Variants in DGKB observed in about 807,000 individuals in gnomAD.
The protein encoded by DGKB is 90 kDa diacylglycerol kinase.
Under a neutral mutation model 114.3 loss-of-function variants are expected in DGKB, and 67 were observed. That is an observed-to-expected ratio of 0.59 (90% confidence interval 0.48 to 0.72). DGKB has a LOEUF of 0.72. DGKB is among the 30% of genes least tolerant of loss of function. The pLI, the probability that DGKB is intolerant of heterozygous loss-of-function variation, is 0.00. For synonymous variants in DGKB, 398 were observed against 323.1 expected (o/e 1.23, Z -2.49); for missense variants, 907 against 975.2 (o/e 0.93, Z 0.93).
chr7:14,582,563 A>G (rs62443555), intron 18 of DGKB, among the ~76,000 whole-genome samples: 57,409 of 152,008 alleles, frequency 0.38, 11,500 homozygotes, highest in East Asian at 0.68. Context: ...TACTATCTGT[A>G]TCATAGAGTT....
intron 13 of DGKB, among the ~76,000 whole-genome samples, chr7:14,671,532 G>A (rs529653222): frequency 2.0e-5 from 3 of 152,050 alleles, no homozygotes; most frequent in Non-Finnish European, 4.4e-5. Flanking sequence ...CGTAACACAC[G>A]CTCTTTACAT....
chr7:14,923,356 T>A (rs2128247910), intron 1 of DGKB, among the ~76,000 whole-genome samples: 1 of 152,312 alleles, frequency 6.6e-6, no homozygotes, highest in South Asian at 2.1e-4. Flanking sequence ...CAGATATCTA[T>A]GAGACTCTTT....
chr7:14,270,048 C>CTAAA (rs1798055716), intron 23 of DGKB, among the ~76,000 whole-genome samples: 1 of 52,862 alleles, frequency 1.9e-5, no homozygotes. Context: ...GCTTTTTTTG[C>CTAAA]AAAAAAAAAA....
chr7:14,283,603 G>A (rs7787657), intron 23 of DGKB, among the ~76,000 whole-genome samples: 12,534 of 141,926 alleles, frequency 0.088, 1,815 homozygotes, highest in African/African-American at 0.32. Context: ...ACACTACCTG[G>A]CTTCAAACTA....
chr7:14,355,212 A>G (rs1033313355), intron 21 of DGKB, among the ~76,000 whole-genome samples: 1 of 151,440 alleles, frequency 6.6e-6, no homozygotes, highest in Non-Finnish European at 1.5e-5. Flanking sequence ...TATTGAATCC[A>G]TTAAGTCAAT....
At chr7:14,633,455 T>C (rs1810128960) in intron 13 of DGKB, among the ~76,000 whole-genome samples, 1 of 151,856 alleles carries the variant, frequency 6.6e-6, no homozygotes, top group Non-Finnish European at 1.5e-5. Context: ...ACAATCAAAA[T>C]GTGTAAAGAG....
At chr7:14,448,593 A>G (rs1181362935) in intron 21 of DGKB, among the ~76,000 whole-genome samples, 1 of 152,126 alleles carries the variant, frequency 6.6e-6, no homozygotes, top group Non-Finnish European at 1.5e-5. Flanking sequence ...ATTGTAAGTT[A>G]AACACTTACA....
chr7:14,969,532 C>T (rs1395441963), intron 1 of DGKB, among the ~76,000 whole-genome samples: 1 of 152,078 alleles, frequency 6.6e-6, no homozygotes, highest in Non-Finnish European at 1.5e-5. Context: ...GGCCAATGAG[C>T]ATTACTGCCT....
At chr7:14,298,517 AACTGGAC>A (rs1802968455) in intron 23 of DGKB, among the ~76,000 whole-genome samples, 1 of 152,186 alleles carries the variant, frequency 6.6e-6, no homozygotes, top group South Asian at 2.1e-4. Flanking sequence ...AGAAAACTGA[AACTGGAC>A]CCCTTCTTTA....
At chr7:14,957,388 G>C (rs1481196879) in intron 1 of DGKB, among the ~76,000 whole-genome samples, 1 of 151,986 alleles carries the variant, frequency 6.6e-6, no homozygotes, top group Non-Finnish European at 1.5e-5. Flanking sequence ...TAGCATTGGA[G>C]ACAGTTTCTT....
At chr7:14,460,438 A>G (rs1032743131) in intron 21 of DGKB, among the ~76,000 whole-genome samples, 1 of 152,070 alleles carries the variant, frequency 6.6e-6, no homozygotes, top group Non-Finnish European at 1.5e-5. Context: ...AGAAAAAAAA[A>G]ACCAGGGATT....
At chr7:14,289,224 A>G (rs1801357491) in intron 23 of DGKB, among the ~76,000 whole-genome samples, 1 of 152,158 alleles carries the variant, frequency 6.6e-6, no homozygotes, top group Non-Finnish European at 1.5e-5. Flanking sequence ...TCGTGCTTGA[A>G]AAAAACCACC....
intron 21 of DGKB, among the ~76,000 whole-genome samples, chr7:14,438,793 A>G (rs1829643143): frequency 6.6e-6 from 1 of 152,164 alleles, no homozygotes; most frequent in Admixed American, 6.6e-5. Flanking sequence ...AAAGAAGCAG[A>G]TAATTAAGTA....
intron 14 of DGKB, among the ~76,000 whole-genome samples, chr7:14,623,459 C>T (rs1478502228): frequency 6.6e-6 from 1 of 152,154 alleles, no homozygotes; most frequent in Non-Finnish European, 1.5e-5. Flanking sequence ...TAAGTATAAT[C>T]ACCCTTCTCT....
intron 13 of DGKB, among the ~76,000 whole-genome samples, chr7:14,667,318 T>C (rs955201281): frequency 9.9e-5 from 15 of 152,144 alleles, no homozygotes; most frequent in Admixed American, 2.6e-4. Context: ...TACAAGGCTA[T>C]GTGAGCTTCA....
rs140904484 is a variant in DGKB at position 14,231,004 on chromosome 7, G to A, written c.2123-52853C>T. Among the ~76,000 whole-genome samples the A allele has an allele frequency of 1.2e-3, 189 of 152,154 alleles. 1 individual carries two copies. The highest frequency in any genetic ancestry group is 4.4e-3 in the African/African-American group (182 of 41,536). On this transcript the variant is annotated intron_variant, in intron 23 of 25. Transcript: ENST00000402815. ...GCTGTGATCTTCCAGGAGGACAAGG[G>A]CTAAGTCCCTAAGTCTCTGTTGTTC... is the stretch of plus-strand genomic sequence containing the variant.
At chr7:14,175,261 A>G (rs1372516833) in intron 25 of DGKB, among the ~76,000 whole-genome samples, 2 of 152,186 alleles carry the variant, frequency 1.3e-5, no homozygotes, top group African/African-American at 4.8e-5. Context: ...AATTTGTGTG[A>G]ATATTTAATA....
Position 14,825,010 on chromosome 7 carries a change from G to GTGTA in DGKB, c.70+16180_70+16183dup, listed in dbSNP as rs1257930307. On this transcript the variant is annotated intron_variant, in intron 2 of 25. Transcript: ENST00000402815. ...TATATGTGTGTATATATATATGTAT[G>GTGTA]TGTATGTATATATATATATATATAT... Among the ~76,000 whole-genome samples, 41 of 75,460 alleles carry GTGTA rather than the reference G, an allele frequency of 5.4e-4. 1 individual carries two copies. The highest frequency in any genetic ancestry group is 2.5e-3 in the South Asian group (5 of 2,026). The allele number at this position is 75,460 out of a possible 152,430, so 49.5% of individuals were successfully genotyped here.
intron 2 of DGKB, among the ~76,000 whole-genome samples, chr7:14,774,821 T>A (rs1837920673): frequency 6.6e-6 from 1 of 152,190 alleles, no homozygotes; most frequent in South Asian, 2.1e-4. Flanking sequence ...CTGTCTTAAA[T>A]CTTCTTTCCA....
Sources: gnomAD v4.1 joint callset for allele counts (sites outside exome capture counted in the v4.1 genomes callset) on GRCh38, gnomAD v4.1.1 for gene constraint, MANE v1.5 for transcripts, NCBI Gene and HGNC (gene_info 2026-07-23, HGNC 2026-07-21) for gene names.